Variants in MYO9A observed in about 807,000 individuals in gnomAD.
MYO9A encodes the protein unconventional myosin-IXa.
MYO9A carries 103 observed loss-of-function variants against 293.3 expected under a neutral mutation model. The ratio of observed to expected loss-of-function variants is 0.35; its 90% CI spans 0.30 to 0.41. The LOEUF is 0.41. MYO9A is among the 10% of genes least tolerant of loss of function. The probability of loss-of-function intolerance (pLI) is 1.00; values close to 1 mark genes in which losing one functional copy is unlikely to be tolerated. For missense variants in MYO9A, 2,685 were observed against 3,033.0 expected (o/e 0.89, Z 2.69); for synonymous variants, 1,001 against 1,035.7 (o/e 0.97, Z 0.64).
intron 1 of MYO9A, among the ~76,000 whole-genome samples, chr15:72,079,276 T>G (rs2079466254): frequency 6.6e-6 from 1 of 152,084 alleles, no homozygotes; most frequent in African/African-American, 2.4e-5. Flanking sequence ...AACCTAAAAC[T>G]GCTTTAAAAA....
chr15:71,902,250 G>A (rs1007493072), intron 22 of MYO9A, among the ~76,000 whole-genome samples: 14 of 151,840 alleles, frequency 9.2e-5, no homozygotes, highest in African/African-American at 3.1e-4. Flanking sequence ...ACAATATGAA[G>A]GTTCTCAAAA....
At chr15:71,832,698 G>A (rs1411243926) in intron 39 of MYO9A, among the ~76,000 whole-genome samples, 1 of 152,126 alleles carries the variant, frequency 6.6e-6, no homozygotes, top group Non-Finnish European at 1.5e-5. Context: ...AATATTGAAG[G>A]AAAGATTGAA....
At chr15:71,864,993 G>C (rs1397264408) in intron 32 of MYO9A, among the ~76,000 whole-genome samples, 1 of 152,106 alleles carries the variant, frequency 6.6e-6, no homozygotes, top group Non-Finnish European at 1.5e-5. Flanking sequence ...AATACCAATT[G>C]GTCTATTTTG....
intron 14 of MYO9A, among the ~76,000 whole-genome samples, chr15:71,956,253 T>C (rs2059174451): frequency 1.4e-5 from 2 of 140,314 alleles, no homozygotes; most frequent in South Asian, 4.5e-4. Flanking sequence ...GAGGCTACAG[T>C]GAACTGTGAT....
At chr15:72,102,837 C>T (rs915407942) in intron 1 of MYO9A, among the ~76,000 whole-genome samples, 2 of 150,698 alleles carry the variant, frequency 1.3e-5, no homozygotes, top group Middle Eastern at 3.5e-3. Flanking sequence ...TCTCAGGCAG[C>T]AAAGGAAAGC....
intron 8 of MYO9A, among the ~76,000 whole-genome samples, chr15:72,006,233 C>T (rs1435331156): frequency 1.3e-5 from 2 of 151,872 alleles, no homozygotes; most frequent in African/African-American, 4.8e-5. Flanking sequence ...GTCACCACGC[C>T]CAGCTAATTT....
intron 11 of MYO9A, among the ~76,000 whole-genome samples, chr15:71,986,016 A>G (rs528872260): frequency 2.4e-4 from 36 of 152,218 alleles, no homozygotes; most frequent in Non-Finnish European, 3.2e-4. Flanking sequence ...AGGAAAAGAA[A>G]AAAGAGGGCA....
intron 11 of MYO9A, among the ~76,000 whole-genome samples, chr15:71,986,610 A>T (rs746274360): frequency 3.9e-5 from 6 of 152,228 alleles, no homozygotes; most frequent in Admixed American, 1.3e-4. Context: ...ATGTATGTAT[A>T]CATGCTAACA....
chr15:72,098,945 TA>T (rs60291999), intron 1 of MYO9A, among the ~76,000 whole-genome samples: 7,523 of 144,916 alleles, frequency 0.052, 302 homozygotes, highest in East Asian at 0.18. Flanking sequence ...AAGTTGTATT[TA>T]AAAAAAAAAA....
chr15:71,927,852 C>G (rs1045321787), intron 18 of MYO9A, among the ~76,000 whole-genome samples: 2 of 150,152 alleles, frequency 1.3e-5, no homozygotes, highest in African/African-American at 4.9e-5. Flanking sequence ...CCAGTTTTCC[C>G]AACATCATTT....
At position 71,933,765 on chromosome 15, in the gene MYO9A, G is replaced by C. The variant is rs1479807014; in HGVS notation, c.2523-56C>G. 7 of 1,421,526 alleles carry C rather than the reference G, an allele frequency of 4.9e-6. No individual in the cohort carries two copies. The African/African-American group carries it at 8.7e-5, about 18-fold the overall frequency. The allele number at this position is 1,421,526 out of a possible 1,614,324, so 88.1% of individuals were successfully genotyped here. ...CTACTGTATAAAAACAAAAACAAAA[G>C]CTACTGTAGAGAAGAAAGATTTCAA... On this transcript the variant is annotated intron_variant, in intron 17 of 41. Coordinates refer to ENST00000356056, the MANE Select transcript of MYO9A (RefSeq NM_006901.4).
chr15:71,914,290 A>G (rs989774064), intron 19 of MYO9A, among the ~76,000 whole-genome samples: 1 of 152,190 alleles, frequency 6.6e-6, no homozygotes, highest in African/African-American at 2.4e-5. Flanking sequence ...GGAGTCCCGT[A>G]ATGCTTACTA....
At position 71,956,060 on chromosome 15, in the gene MYO9A, G is replaced by A. The variant is rs544658754; in HGVS notation, c.2182+3841C>T. Among the ~76,000 whole-genome samples the A allele has an allele frequency of 5.9e-5, 9 of 151,608 alleles. No homozygotes were observed. In the South Asian group the frequency reaches 1.5e-3, roughly 25 times the overall value. ...CTCGCACCTGTAATCCCAGACACTC[G>A]GGGGGAGGCTGAGCAGCGAGGATCA... is the stretch of plus-strand genomic sequence containing the variant. On this transcript the variant is annotated intron_variant, in intron 14 of 41. Coordinates refer to ENST00000356056, the MANE Select transcript of MYO9A (RefSeq NM_006901.4).
At chr15:72,013,365 C>A (rs2077229747) in intron 6 of MYO9A, among the ~76,000 whole-genome samples, 1 of 152,170 alleles carries the variant, frequency 6.6e-6, no homozygotes, top group East Asian at 1.9e-4. Context: ...GAGGGCCCTA[C>A]AAATGCCAAG....
chr15:72,109,114 G>A (rs550638247), intron 1 of MYO9A, among the ~76,000 whole-genome samples: 9 of 152,242 alleles, frequency 5.9e-5, no homozygotes, highest in East Asian at 1.9e-4. Context: ...ACAGCCGGGC[G>A]TGGTGGCTCA....
chr15:71,860,969 CAAAAAAAA>C (rs61030744), intron 33 of MYO9A, among the ~76,000 whole-genome samples: 28 of 32,418 alleles, frequency 8.6e-4, no homozygotes, highest in East Asian at 5.0e-3. Context: ...TCCATCTCAC[CAAAAAAAA>C]AAAAAAAAAA....
At chr15:72,053,873 A>C (rs1371382747) in intron 1 of MYO9A, among the ~76,000 whole-genome samples, 1 of 152,228 alleles carries the variant, frequency 6.6e-6, no homozygotes, top group Non-Finnish European at 1.5e-5. Flanking sequence ...AGTTCAAAAG[A>C]AAGCAAGAAA....
At chr15:71,930,254 T>C (rs2058438791) in intron 18 of MYO9A, among the ~76,000 whole-genome samples, 1 of 152,156 alleles carries the variant, frequency 6.6e-6, no homozygotes. Context: ...TGTTTCCTTA[T>C]TGATTTTTGG....
intron 14 of MYO9A, chr15:71,953,739 G>A (rs558522600): frequency 6.6e-6 from 1 of 152,040 alleles, no homozygotes; most frequent in Admixed American, 6.6e-5. Context: ...TCCAGACTGT[G>A]ACATAATTTC....
Sources: allele counts gnomAD v4.1 joint callset (sites outside exome capture counted in the v4.1 genomes callset), GRCh38; gene constraint gnomAD v4.1.1; transcripts MANE v1.5; gene names NCBI Gene and HGNC (gene_info 2026-07-23, HGNC 2026-07-21).